Variants in TBCA observed in about 807,000 individuals in gnomAD.
TBCA encodes the protein tubulin-specific chaperone A.
TBCA carries 6 observed loss-of-function variants against 15.8 expected under a neutral mutation model. That is an observed-to-expected ratio of 0.38 (90% confidence interval 0.21 to 0.75). The LOEUF is 0.75. Ranked by LOEUF, TBCA falls within the 30% of genes least tolerant of loss-of-function variation. The probability of loss-of-function intolerance (pLI) is 0.46; values close to 1 mark genes in which losing one functional copy is unlikely to be tolerated. For synonymous variants in TBCA, 32 were observed against 42.3 expected, an observed-to-expected ratio of 0.76 and a Z score of 0.94; for missense variants, 90 against 131.2, an observed-to-expected ratio of 0.69 and a Z score of 1.53.
chr5:77,692,583 C>T (rs1745778552), intron 3 of TBCA: 6 of 985,206 alleles, frequency 6.1e-6, no homozygotes, highest in Middle Eastern at 5.2e-4. Context: ...CTGCACCTGG[C>T]GGCCAACATT....
At chr5:77,756,872 G>A (rs1437823034) in intron 1 of TBCA, among the ~76,000 whole-genome samples, 2 of 152,128 alleles carry the variant, frequency 1.3e-5, no homozygotes, top group Admixed American at 6.5e-5. Flanking sequence ...CCAAAAACAG[G>A]TGAATGCACC....
intron 1 of TBCA, among the ~76,000 whole-genome samples, chr5:77,710,089 T>G (rs1016559924): frequency 1.3e-5 from 2 of 152,210 alleles, no homozygotes; most frequent in Admixed American, 6.5e-5. Context: ...ATTGTGGTGA[T>G]AGTTGCACAA....
chr5:77,765,050 A>G (rs1747739074), intron 1 of TBCA, among the ~76,000 whole-genome samples: 1 of 152,176 alleles, frequency 6.6e-6, no homozygotes, highest in African/African-American at 2.4e-5. Context: ...GTTAGCAAAA[A>G]TAACCTATTT....
At chr5:77,707,428 G>T (rs549622566) in intron 2 of TBCA, among the ~76,000 whole-genome samples, 25 of 152,282 alleles carry the variant, frequency 1.6e-4, no homozygotes, top group Admixed American at 4.6e-4. Context: ...AGGAAGAACA[G>T]AAATTAATAA....
At chr5:77,712,310 A>T (rs1746296813) in intron 1 of TBCA, among the ~76,000 whole-genome samples, 1 of 152,180 alleles carries the variant, frequency 6.6e-6, no homozygotes, top group African/African-American at 2.4e-5. Context: ...AGAGTGTGAT[A>T]TAGTATTTCT....
At chr5:77,696,429 GA>G (rs200003752) in intron 2 of TBCA, among the ~76,000 whole-genome samples, 17 of 151,836 alleles carry the variant, frequency 1.1e-4, no homozygotes, top group South Asian at 6.3e-4. Context: ...TTAAGTCAAA[GA>G]AAAAAAATGA....
chr5:77,727,224 G>A (rs1746647896), intron 1 of TBCA, among the ~76,000 whole-genome samples: 2 of 132,806 alleles, frequency 1.5e-5, no homozygotes, highest in Non-Finnish European at 3.1e-5. Context: ...GAGACACAGT[G>A]AGACTCTGTC....
At position 77,735,638 on chromosome 5, in the gene TBCA, A is replaced by G. The variant is rs1330684653; in HGVS notation, c.54-27291T>C. Among the ~76,000 whole-genome samples the G allele has an allele frequency of 1.2e-4, 18 of 152,310 alleles. No homozygotes were observed. In the East Asian group the frequency reaches 3.3e-3, roughly 28 times the overall value. On this transcript the variant is annotated intron_variant, in intron 1 of 3. Coordinates refer to ENST00000380377, the MANE Select transcript of TBCA (RefSeq NM_004607.3). Reference sequence around the variant, plus strand: ...TAATTTTCCTAAAATAGGATTAATCATTTTAGTGAAAATTAGATATTCGTT... The same window carrying G: ...TAATTTTCCTAAAATAGGATTAATCGTTTTAGTGAAAATTAGATATTCGTT...
chr5:77,771,335 G>A (rs1232230088), intron 1 of TBCA, among the ~76,000 whole-genome samples: 1 of 152,120 alleles, frequency 6.6e-6, no homozygotes, highest in Admixed American at 6.5e-5. Flanking sequence ...GGAGCCCTCA[G>A]AGTCAGAGGC....
intron 2 of TBCA, among the ~76,000 whole-genome samples, chr5:77,702,074 A>T (rs1746031813): frequency 6.6e-6 from 1 of 152,090 alleles, no homozygotes; most frequent in African/African-American, 2.4e-5. Flanking sequence ...AAAAGACTAC[A>T]AATCAGGTAC....
rs1748031273 is a variant in TBCA at position 77,776,330 on chromosome 5, G to C, written c.-73C>G. On this transcript the variant is annotated 5_prime_UTR_variant, in exon 1 of 4. Transcript: ENST00000380377. ...GTGGAGGGCGACGCGCAGAGGCTGC[G>C]GCTATTTAGGCGTGGTCGCCGGCGC... is the stretch of plus-strand genomic sequence containing the variant. 8 of 1,526,496 alleles carry C rather than the reference G, an allele frequency of 5.2e-6. No homozygotes were observed. In the South Asian group the frequency reaches 6.0e-5, roughly 11 times the overall value. 94.6% of individuals were successfully genotyped at this position (1,526,496 alleles called of 1,614,324 possible). A position where few individuals can be genotyped will look rare whatever the true frequency, so the allele number is the denominator to read the frequency against.
At chr5:77,703,705 T>C (rs1344863233) in intron 2 of TBCA, among the ~76,000 whole-genome samples, 1 of 152,164 alleles carries the variant, frequency 6.6e-6, no homozygotes, top group Non-Finnish European at 1.5e-5. Flanking sequence ...GCCTCCCAGG[T>C]GGCTGGGACT....
At chr5:77,723,712 T>C (rs1746572652) in intron 1 of TBCA, among the ~76,000 whole-genome samples, 1 of 152,034 alleles carries the variant, frequency 6.6e-6, no homozygotes, top group Admixed American at 6.6e-5. Flanking sequence ...TCAACTTAAA[T>C]CACTCATTTA....
intron 1 of TBCA, among the ~76,000 whole-genome samples, chr5:77,760,406 T>C (rs1005095568): frequency 4.6e-5 from 7 of 152,014 alleles, no homozygotes; most frequent in Admixed American, 1.3e-4. Context: ...TTCCTTTCCT[T>C]TCCTCCTTTC....
intron 2 of TBCA, among the ~76,000 whole-genome samples, chr5:77,696,104 A>G (rs2112421392): frequency 6.6e-6 from 1 of 152,320 alleles, no homozygotes; most frequent in South Asian, 2.1e-4. Flanking sequence ...GCCAATGTCA[A>G]TCAAGCTCTT....
chr5:77,735,836 C>T (rs1177989580), intron 1 of TBCA, among the ~76,000 whole-genome samples: 1 of 152,166 alleles, frequency 6.6e-6, no homozygotes, highest in Non-Finnish European at 1.5e-5. Context: ...ACAAGGCCAG[C>T]TTTATGTGCT....
intron 1 of TBCA, among the ~76,000 whole-genome samples, chr5:77,736,644 T>C (rs1746915318): frequency 6.6e-6 from 1 of 152,182 alleles, no homozygotes; most frequent in Non-Finnish European, 1.5e-5. Flanking sequence ...CCTTATTTCT[T>C]TTTCTAAGAG....
chr5:77,737,507 A>C (rs1399193897), intron 1 of TBCA, among the ~76,000 whole-genome samples: 1 of 152,178 alleles, frequency 6.6e-6, no homozygotes, highest in Admixed American at 6.5e-5. Flanking sequence ...CATGTCACGT[A>C]ATCTGGGTTC....
intron 1 of TBCA, among the ~76,000 whole-genome samples, chr5:77,762,875 T>C (rs1747674024): frequency 6.6e-6 from 1 of 152,198 alleles, no homozygotes; most frequent in African/African-American, 2.4e-5. Flanking sequence ...AGAAGATGAT[T>C]AAGTGAGTGA....
Sources: gnomAD v4.1 joint callset for allele counts (sites outside exome capture counted in the v4.1 genomes callset) on GRCh38, gnomAD v4.1.1 for gene constraint, MANE v1.5 for transcripts, NCBI Gene and HGNC (gene_info 2026-07-23, HGNC 2026-07-21) for gene names.